Variants in GRIA4 observed in about 807,000 individuals in gnomAD.
GRIA4 encodes the protein glutamate receptor 4.
In GRIA4, 34 loss-of-function variants were observed where a neutral mutation model predicts 104.0. The ratio of observed to expected loss-of-function variants is 0.33; its 90% CI spans 0.25 to 0.44. GRIA4 has a LOEUF of 0.44. Ranked by LOEUF, GRIA4 falls within the 20% of genes least tolerant of loss-of-function variation. The pLI is 1.00. For missense variants in GRIA4, 750 were observed against 1,096.5 expected (o/e 0.68, Z 4.46); for synonymous variants, 386 against 381.9 (o/e 1.01, Z -0.13).
intron 4 of GRIA4, among the ~76,000 whole-genome samples, chr11:105,777,814 T>G (rs1449314146): frequency 6.6e-6 from 1 of 152,156 alleles, no homozygotes; most frequent in Non-Finnish European, 1.5e-5. Context: ...TTTTTATAAT[T>G]ATTCAGTTGA....
chr11:105,893,809 T>C (rs961962523), intron 6 of GRIA4, among the ~76,000 whole-genome samples: 1 of 152,162 alleles, frequency 6.6e-6, no homozygotes, highest in Non-Finnish European at 1.5e-5. Flanking sequence ...TTAGAAAACA[T>C]TGGAATCATT....
intron 3 of GRIA4, among the ~76,000 whole-genome samples, chr11:105,646,121 T>A (rs564052306): frequency 1.3e-5 from 2 of 152,346 alleles, no homozygotes; most frequent in East Asian, 3.9e-4. Context: ...CCAAGCAATG[T>A]GCTTACTTAG....
intron 3 of GRIA4, among the ~76,000 whole-genome samples, chr11:105,683,727 T>C (rs1055972227): frequency 6.6e-6 from 1 of 152,214 alleles, no homozygotes; most frequent in Non-Finnish European, 1.5e-5. Context: ...ATACATTTAT[T>C]TGAGTATTCA....
intron 5 of GRIA4, among the ~76,000 whole-genome samples, chr11:105,869,718 A>G (rs1034878906): frequency 6.6e-6 from 1 of 152,134 alleles, no homozygotes; most frequent in African/African-American, 2.4e-5. Context: ...CAGTTCAGTA[A>G]TAAAGTGTGC....
intron 3 of GRIA4, among the ~76,000 whole-genome samples, chr11:105,727,162 C>A (rs1938265056): frequency 6.6e-6 from 1 of 151,946 alleles, no homozygotes; most frequent in South Asian, 2.1e-4. Flanking sequence ...GAATTGCTGA[C>A]TAGAATAACC....
At chr11:105,633,626 GTCTAT>G (rs1248290604) in intron 3 of GRIA4, among the ~76,000 whole-genome samples, 1 of 152,118 alleles carries the variant, frequency 6.6e-6, no homozygotes, top group African/African-American at 2.4e-5. Flanking sequence ...TTATCAAAGA[GTCTAT>G]AGATGTAACT....
intron 4 of GRIA4, among the ~76,000 whole-genome samples, chr11:105,848,433 T>C (rs1944673318): frequency 1.3e-5 from 2 of 152,306 alleles, no homozygotes; most frequent in South Asian, 2.1e-4. Flanking sequence ...TTTTAGAAGA[T>C]GTAAGGTTAG....
At chr11:105,673,561 CA>C (rs1222158934) in intron 3 of GRIA4, among the ~76,000 whole-genome samples, 4 of 152,008 alleles carry the variant, frequency 2.6e-5, no homozygotes, top group African/African-American at 4.8e-5. Context: ...CAATTAAAAA[CA>C]AACAGTTTAA....
chr11:105,951,180 C>T (rs1177397975), intron 14 of GRIA4, among the ~76,000 whole-genome samples: 4 of 152,100 alleles, frequency 2.6e-5, no homozygotes, highest in Admixed American at 1.3e-4. Context: ...GAATGGAATT[C>T]TGGAAATCAC....
intron 3 of GRIA4, among the ~76,000 whole-genome samples, chr11:105,751,494 C>T (rs542014534): frequency 4.5e-4 from 69 of 152,304 alleles, no homozygotes; most frequent in African/African-American, 1.5e-3. Context: ...CAGCCAGTCA[C>T]ATTGTCAGAG....
intron 14 of GRIA4, among the ~76,000 whole-genome samples, chr11:105,950,369 A>T (rs1948428014): frequency 6.6e-6 from 1 of 152,170 alleles, no homozygotes; most frequent in African/African-American, 2.4e-5. Context: ...AAATTCAAAG[A>T]TGAGACTGAG....
At chr11:105,614,023 T>C (rs999770575) in intron 3 of GRIA4, 2 of 151,972 alleles carry the variant, frequency 1.3e-5, no homozygotes, top group Non-Finnish European at 2.9e-5. Flanking sequence ...TTCTAAGTAG[T>C]TCTAAGGAAA....
intron 3 of GRIA4, among the ~76,000 whole-genome samples, chr11:105,681,417 G>T (rs965089400): frequency 1.3e-5 from 2 of 152,126 alleles, no homozygotes; most frequent in Non-Finnish European, 2.9e-5. Flanking sequence ...GAAGAAATGT[G>T]GCTTCAATTA....
chr11:105,627,707 C>T (rs762410404), intron 3 of GRIA4, among the ~76,000 whole-genome samples: 8 of 152,148 alleles, frequency 5.3e-5, no homozygotes, highest in Non-Finnish European at 1.0e-4. Context: ...ATCTTCCGAA[C>T]TGCAAACCAA....
chr11:105,929,583 G>T (rs2136203844), intron 13 of GRIA4, among the ~76,000 whole-genome samples: 1 of 152,224 alleles, frequency 6.6e-6, no homozygotes, highest in Non-Finnish European at 1.5e-5. Flanking sequence ...TTTCAATGCA[G>T]TTTTATCCTG....
intron 4 of GRIA4, among the ~76,000 whole-genome samples, chr11:105,835,167 CTTAA>C (rs960730836): frequency 6.5e-4 from 98 of 151,644 alleles, no homozygotes; most frequent in African/African-American, 2.2e-3. Flanking sequence ...AAATTTTATA[CTTAA>C]TTATTTAAAA....
intron 3 of GRIA4, among the ~76,000 whole-genome samples, chr11:105,620,727 C>T (rs551400902): frequency 1.3e-5 from 2 of 151,762 alleles, no homozygotes; most frequent in Non-Finnish European, 1.5e-5. Context: ...AGTGTAAAAA[C>T]GACTAAATGA....
At chr11:105,785,974 G>A (rs1022453873) in intron 4 of GRIA4, among the ~76,000 whole-genome samples, 2 of 151,478 alleles carry the variant, frequency 1.3e-5, no homozygotes, top group Non-Finnish European at 2.9e-5. Context: ...GTGAAACCCC[G>A]TCTCTACCAA....
intron 3 of GRIA4, among the ~76,000 whole-genome samples, chr11:105,662,310 G>C (rs560478355): frequency 2.6e-5 from 4 of 151,764 alleles, no homozygotes; most frequent in Non-Finnish European, 5.9e-5. Context: ...TGGCAAAACT[G>C]GAAGTTAAAC....
Sources: gnomAD v4.1 joint callset for allele counts (sites outside exome capture counted in the v4.1 genomes callset) on GRCh38, gnomAD v4.1.1 for gene constraint, MANE v1.5 for transcripts, NCBI Gene and HGNC (gene_info 2026-07-23, HGNC 2026-07-21) for gene names.